The following KCND2 variants were observed in gnomAD, a reference collection of about 807,000 sequenced individuals.
KCND2 encodes A-type voltage-gated potassium channel KCND2.
KCND2 carries 16 observed loss-of-function variants against 54.4 expected under a neutral mutation model. That is an observed-to-expected ratio of 0.29 (90% confidence interval 0.20 to 0.45). The LOEUF (loss-of-function observed/expected upper bound fraction) is 0.45. KCND2 is among the 20% of genes least tolerant of loss of function. The probability of loss-of-function intolerance (pLI) is 1.00; values close to 1 mark genes in which losing one functional copy is unlikely to be tolerated. For synonymous variants in KCND2, 317 were observed against 310.7 expected, an observed-to-expected ratio of 1.02 and a Z score of -0.21; for missense variants, 486 against 824.2, an observed-to-expected ratio of 0.59 and a Z score of 5.02.
chr7:120,493,050 C>A (rs1245498983), intron 1 of KCND2, among the ~76,000 whole-genome samples: 1 of 151,934 alleles, frequency 6.6e-6, no homozygotes, highest in African/African-American at 2.4e-5. Context: ...CCAAAGCCTC[C>A]ACCTCTGAAT....
chr7:120,442,214 C>A (rs1801955241), intron 1 of KCND2, among the ~76,000 whole-genome samples: 1 of 152,078 alleles, frequency 6.6e-6, no homozygotes, highest in Non-Finnish European at 1.5e-5. Context: ...TGAAGAAAAG[C>A]TTTATGGTCT....
chr7:120,640,106 G>T (rs1343121542), intron 1 of KCND2, among the ~76,000 whole-genome samples: 2 of 152,030 alleles, frequency 1.3e-5, no homozygotes, highest in African/African-American at 4.8e-5. Context: ...CCTTCCCTCT[G>T]TGGTTTTAGC....
rs1231457939 is a variant in KCND2 at position 120,305,906 on chromosome 7, T to C, written c.1115+30159T>C. Among the ~76,000 whole-genome samples, 3 of 152,322 alleles carry C rather than the reference T, an allele frequency of 2.0e-5. No homozygotes were observed. The South Asian group carries it at 6.2e-4, about 32-fold the overall frequency. On this transcript the variant is annotated intron_variant, in intron 1 of 5. Coordinates refer to ENST00000331113, the MANE Select transcript of KCND2 (RefSeq NM_012281.3). ...TCCAAACCCTTGTGACAATGCAGTG[T>C]ATGAGACTCCTCAGACTTACCTGGC...
chr7:120,688,016 C>G (rs1187742764), intron 1 of KCND2, among the ~76,000 whole-genome samples: 1 of 152,128 alleles, frequency 6.6e-6, no homozygotes, highest in East Asian at 1.9e-4. Flanking sequence ...CCCACTGCAA[C>G]CTGGTGGACA....
chr7:120,610,639 T>A (rs2116485993), intron 1 of KCND2, among the ~76,000 whole-genome samples: 1 of 152,174 alleles, frequency 6.6e-6, no homozygotes, highest in African/African-American at 2.4e-5. Context: ...AGGAAACAAA[T>A]AAATTCCCTT....
At chr7:120,382,658 A>G (rs1160870716) in intron 1 of KCND2, among the ~76,000 whole-genome samples, 6 of 151,796 alleles carry the variant, frequency 4.0e-5, no homozygotes, top group Non-Finnish European at 1.5e-5. Context: ...TCTTGAGTAT[A>G]TTTTCCTACT....
intron 1 of KCND2, among the ~76,000 whole-genome samples, chr7:120,724,742 GT>G (rs760057350): frequency 9.2e-5 from 14 of 152,328 alleles, no homozygotes; most frequent in East Asian, 3.9e-4. Context: ...AATATTTCCG[GT>G]GGCTCCACAG....
chr7:120,374,633 C>T (rs1800811319), intron 1 of KCND2, among the ~76,000 whole-genome samples: 1 of 151,752 alleles, frequency 6.6e-6, no homozygotes, highest in African/African-American at 2.4e-5. Context: ...CGTTGATTTT[C>T]AGATAAAATT....
intron 1 of KCND2, among the ~76,000 whole-genome samples, chr7:120,290,723 A>G (rs1023287223): frequency 1.3e-5 from 2 of 151,998 alleles, no homozygotes; most frequent in Non-Finnish European, 2.9e-5. Flanking sequence ...AGAGCTACAC[A>G]TATATGGAAA....
chr7:120,647,788 G>A (rs1163639609), intron 1 of KCND2, among the ~76,000 whole-genome samples: 2 of 152,186 alleles, frequency 1.3e-5, no homozygotes, highest in African/African-American at 4.8e-5. Context: ...GGCATACTGT[G>A]TAGTATTATG....
At chr7:120,654,590 G>A (rs183959957) in intron 1 of KCND2, among the ~76,000 whole-genome samples, 1 of 152,248 alleles carries the variant, frequency 6.6e-6, no homozygotes, top group East Asian at 1.9e-4. Flanking sequence ...AAGATGGGGG[G>A]ACTGGGTTAT....
At chr7:120,712,813 C>T (rs1198985515) in intron 1 of KCND2, among the ~76,000 whole-genome samples, 1 of 152,130 alleles carries the variant, frequency 6.6e-6, no homozygotes, top group African/African-American at 2.4e-5. Flanking sequence ...AATGTGTAAC[C>T]TATCCCGATT....
chr7:120,345,299 A>C (rs972956801), intron 1 of KCND2, among the ~76,000 whole-genome samples: 2 of 152,172 alleles, frequency 1.3e-5, no homozygotes, highest in Non-Finnish European at 2.9e-5. Flanking sequence ...AATTGATCAT[A>C]TAGTGTTCTT....
intron 1 of KCND2, among the ~76,000 whole-genome samples, chr7:120,703,282 T>C (rs141339147): frequency 3.1e-4 from 47 of 152,292 alleles, no homozygotes; most frequent in African/African-American, 1.1e-3. Context: ...CATCAGCAAT[T>C]TCCTTTGGGA....
intron 1 of KCND2, among the ~76,000 whole-genome samples, chr7:120,453,647 G>A (rs2402531): frequency 0.32 from 48,960 of 151,936 alleles, 10,880 homozygotes; most frequent in African/African-American, 0.62. Context: ...ATTGAAATTA[G>A]CCTGCTCCTT....
At chr7:120,744,722 C>T (rs1792984102) in intron 4 of KCND2, among the ~76,000 whole-genome samples, 1 of 151,976 alleles carries the variant, frequency 6.6e-6, no homozygotes, top group Non-Finnish European at 1.5e-5. Context: ...TCTTATTAGC[C>T]AGTGTCTTGC....
At chr7:120,412,856 G>A (rs952350080) in intron 1 of KCND2, among the ~76,000 whole-genome samples, 2 of 151,914 alleles carry the variant, frequency 1.3e-5, no homozygotes, top group Non-Finnish European at 2.9e-5. Flanking sequence ...GATTTTTTAG[G>A]CCACGCTAAA....
At chr7:120,411,036 C>T (rs1039214084) in intron 1 of KCND2, among the ~76,000 whole-genome samples, 7 of 151,804 alleles carry the variant, frequency 4.6e-5, no homozygotes, top group African/African-American at 1.7e-4. Flanking sequence ...TTCAGAAAAC[C>T]CCATCGTCTC....
At chr7:120,341,298 C>A (rs1474382942) in intron 1 of KCND2, among the ~76,000 whole-genome samples, 1 of 152,088 alleles carries the variant, frequency 6.6e-6, no homozygotes, top group Non-Finnish European at 1.5e-5. Context: ...TTGTGGGCAG[C>A]TGTAGGAGTC....
Sources: allele counts gnomAD v4.1 joint callset (sites outside exome capture counted in the v4.1 genomes callset), GRCh38; gene constraint gnomAD v4.1.1; transcripts MANE v1.5; gene names NCBI Gene and HGNC (gene_info 2026-07-23, HGNC 2026-07-21).